MCM6: variants seen among roughly 807,000 people sequenced by gnomAD.
The protein encoded by MCM6 is DNA replication licensing factor MCM6.
A neutral mutation model predicts 94.3 loss-of-function variants in MCM6; 46 were observed. The observed-to-expected ratio is 0.49, with a 90% CI of 0.39 to 0.62. The LOEUF is 0.62. MCM6 is among the 20% of genes least tolerant of loss of function. The probability of loss-of-function intolerance (pLI) is 0.00; values close to 1 mark genes in which losing one functional copy is unlikely to be tolerated. For synonymous variants in MCM6, 335 were observed against 351.9 expected, an observed-to-expected ratio of 0.95 and a Z score of 0.54; for missense variants, 865 against 1,017.9, an observed-to-expected ratio of 0.85 and a Z score of 2.04.
Position 135,876,305 on chromosome 2 carries a change from C to G in MCM6, c.61G>C (p.Glu21Gln). The change falls in exon 1 of 17, where the codon GAG becomes CAG. Residue 21 changes from glutamate (E) to glutamine (Q), a missense_variant. By Grantham distance (29) the Glu-to-Gln change is conservative. This residue lies in a region of MCM6 where 404 missense variants were observed against 451.9 expected (regional missense o/e 0.89). Coordinates refer to ENST00000264156, the MANE Select transcript of MCM6 (RefSeq NM_005915.6). Reference protein sequence around the residue: ...AGSQHLEVRDEVAEKCQKLFL... With the variant: ...AGSQHLEVRDQVAEKCQKLFL... The stretch of plus-strand genomic sequence containing the variant: ...AGTTTCTGGCACTTCTCGGCCACCT[C>G]GTCGCGGACCTCCAGGTGCTGGCTG... 6.2e-7 allele frequency: 1 copy of G among 1,611,462 alleles called. No homozygotes were observed.
intron 9 of MCM6, among the ~76,000 whole-genome samples, chr2:135,858,679 A>G (rs1192661354): frequency 6.6e-6 from 1 of 152,210 alleles, no homozygotes; most frequent in African/African-American, 2.4e-5. Flanking sequence ...AACTAAGAGC[A>G]TAACTAAAAA....
At chr2:135,875,814 C>A (rs1680285333) in intron 1 of MCM6, among the ~76,000 whole-genome samples, 1 of 152,200 alleles carries the variant, frequency 6.6e-6, no homozygotes. Context: ...CCGTGCCCTG[C>A]GAACCCCCAG....
chr2:135,843,915 T>G (rs1314823024), intron 16 of MCM6, among the ~76,000 whole-genome samples: 1 of 150,344 alleles, frequency 6.7e-6, no homozygotes, highest in Non-Finnish European at 1.5e-5. Context: ...CTGACAGGAG[T>G]GGAGAGAAGG....
intron 7 of MCM6, among the ~76,000 whole-genome samples, chr2:135,864,589 G>A (rs1385599626): frequency 6.6e-6 from 1 of 152,034 alleles, no homozygotes; most frequent in Non-Finnish European, 1.5e-5. Flanking sequence ...GAAATAAGAT[G>A]ACAAAATAAC....
rs1243826314 is a variant in MCM6, at chr2:135,840,774, G to C, written c.*61C>G. 2.6e-6 allele frequency: 3 copies of C among 1,156,066 alleles called. No homozygotes were observed. In the African/African-American group the frequency reaches 4.6e-5, roughly 18 times the overall value. The allele number at this position is 1,156,066 out of a possible 1,614,324, so 71.6% of individuals were successfully genotyped here. On this transcript the variant is annotated 3_prime_UTR_variant, in exon 17 of 17. Transcript: ENST00000264156. ...CTGTCCCTAGCAGAGCTCCAGCCAG[G>C]CTCCAGGCCACGAGGTGCTGTGCCA...
At position 135,856,860 on chromosome 2, in the gene MCM6, G is replaced by T; in HGVS notation, c.1494C>A (p.Ser498=). The T allele has an allele frequency of 6.2e-7, 1 of 1,613,982 alleles. No homozygotes were observed. The highest frequency in any genetic ancestry group is 8.5e-7 in the Non-Finnish European group (1 of 1,179,932). The part of the protein sequence containing the change: ...GVKATLNART[S]ILAAANPISG... ...TGATTGGGTTTGCTGCTGCCAAAAT[G>T]GACGTCCGGGCGTTCAGAGTAGCCT... The change falls in exon 11 of 17, where the codon TCC becomes TCA. Residue 498 remains serine (S), a synonymous_variant. Transcript: ENST00000264156.
chr2:135,872,977 G>C, intron 1 of MCM6, 134 bp from the exon 2 acceptor site: 1 of 1,007,558 alleles, frequency 9.9e-7, no homozygotes, highest in South Asian at 1.6e-5. Flanking sequence ...GTAACTTGGG[G>C]CAAGTTACTC....
intron 7 of MCM6, among the ~76,000 whole-genome samples, chr2:135,863,881 C>T (rs1276773095): frequency 6.6e-6 from 1 of 152,110 alleles, no homozygotes; most frequent in Non-Finnish European, 1.5e-5. Context: ...GAGGCCAAGG[C>T]GGATGGATCA....
intron 1 of MCM6, 72 bp downstream of exon 1, chr2:135,876,187 C>T: frequency 8.2e-7 from 1 of 1,226,586 alleles, no homozygotes; most frequent in Non-Finnish European, 1.1e-6. Context: ...ACCCGCCGCC[C>T]ACACGGCACC....
chr2:135,866,368 A>C (rs1680095387), intron 5 of MCM6, 91 bp from the exon 6 acceptor site: 1 of 1,508,152 alleles, frequency 6.6e-7, no homozygotes, highest in African/African-American at 1.4e-5. Context: ...ATAAATCCAA[A>C]GACTTCACTT....
At chr2:135,871,260 C>T (rs987121364) in intron 2 of MCM6, among the ~76,000 whole-genome samples, 1 of 152,200 alleles carries the variant, frequency 6.6e-6, no homozygotes, top group African/African-American at 2.4e-5. Flanking sequence ...AGAACTGCTG[C>T]CTGGCTTGTG....
intron 3 of MCM6, among the ~76,000 whole-genome samples, chr2:135,869,417 A>C (rs1391445488): frequency 1.5e-4 from 21 of 137,750 alleles, no homozygotes; most frequent in African/African-American, 4.2e-4. Flanking sequence ...AAAAAAAAAC[A>C]AAAACAGAAT....
intron 1 of MCM6, among the ~76,000 whole-genome samples, chr2:135,873,269 CA>C (rs1680237343): frequency 6.6e-6 from 1 of 152,160 alleles, no homozygotes; most frequent in East Asian, 1.9e-4. Flanking sequence ...CAAAAAAACC[CA>C]ACAACTAACT....
Position 135,844,701 on chromosome 2 carries a change from C to T in MCM6, c.2210-17G>A, listed in dbSNP as rs1299251092. ...CGTCCTCTTCTGCAACAAAAAAACACATTCAAATTATCCTAGCAACTCGTA... is the reference window on the plus strand; with the variant it reads ...CGTCCTCTTCTGCAACAAAAAAACATATTCAAATTATCCTAGCAACTCGTA... On this transcript the variant is annotated splice_polypyrimidine_tract_variant and intron_variant, in intron 15 of 16. Transcript: ENST00000264156. 5.9e-6 allele frequency: 9 copies of T among 1,527,994 alleles called. No homozygotes were observed. Among genetic ancestry groups the T allele is most frequent in the Non-Finnish European group, 7.9e-6 (9 of 1,145,462 alleles). The allele number at this position is 1,527,994 out of a possible 1,614,324, so 94.7% of individuals were successfully genotyped here.
chr2:135,872,281 A>AT lies in MCM6; in HGVS notation c.254+415dup, dbSNP rs1448209235. On this transcript the variant is annotated intron_variant, in intron 2 of 16. Coordinates refer to ENST00000264156, the MANE Select transcript of MCM6 (RefSeq NM_005915.6). ...ACCAACATGGTGACACCCCGTCTCT[A>AT]TTAAAAAATGTAAATAATTAGCCGG... is the stretch of plus-strand genomic sequence containing the variant. Among the ~76,000 whole-genome samples, 15 of 152,224 alleles carry AT rather than the reference A, an allele frequency of 9.9e-5. No homozygotes were observed. In the East Asian group the frequency reaches 2.7e-3, roughly 27 times the overall value.
intron 10 of MCM6, 112 bp from the exon 11 acceptor site, chr2:135,856,995 CAT>C: frequency 1.1e-6 from 1 of 920,404 alleles, no homozygotes; most frequent in Non-Finnish European, 1.6e-6. Context: ...AAAATAATGA[CAT>C]ACCCTTTTTC....
intron 16 of MCM6, among the ~76,000 whole-genome samples, chr2:135,843,799 G>A (rs1679623197): frequency 1.3e-5 from 2 of 150,724 alleles, no homozygotes. Flanking sequence ...TGAGAAAGAA[G>A]CCCCAGGAGG....
At chr2:135,858,728 G>A (rs577432786) in intron 9 of MCM6, among the ~76,000 whole-genome samples, 1 of 152,296 alleles carries the variant, frequency 6.6e-6, no homozygotes, top group African/African-American at 2.4e-5. Flanking sequence ...TCAAAACCTT[G>A]TGTCAACTCA....
chr2:135,853,390 A>G (rs1679812120), intron 11 of MCM6, among the ~76,000 whole-genome samples: 1 of 152,158 alleles, frequency 6.6e-6, no homozygotes, highest in African/African-American at 2.4e-5. Context: ...GGGGCAGTGA[A>G]GCCATGATTG....
Sources: gnomAD v4.1 joint callset for allele counts (sites outside exome capture counted in the v4.1 genomes callset) on GRCh38, gnomAD v4.1.1 for gene constraint, gnomAD v4.1.1 regional missense constraint, MANE v1.5 for transcripts, NCBI Gene and HGNC (gene_info 2026-07-23, HGNC 2026-07-21) for gene names.